The following HERC2 variants were observed in gnomAD, a reference collection of about 807,000 sequenced individuals.
HERC2 encodes the protein E3 ubiquitin-protein ligase HERC2.
Under a neutral mutation model 537.7 loss-of-function variants are expected in HERC2, and 102 were observed. The ratio of observed to expected loss-of-function variants is 0.19; its 90% CI spans 0.16 to 0.22. The LOEUF (loss-of-function observed/expected upper bound fraction) is 0.22. HERC2 is among the 10% of genes least tolerant of loss of function. The probability of loss-of-function intolerance (pLI) is 1.00; values close to 1 mark genes in which losing one functional copy is unlikely to be tolerated. For missense variants in HERC2, 4,236 were observed against 6,198.2 expected, an observed-to-expected ratio of 0.68 and a Z score of 10.63; for synonymous variants, 2,224 against 2,466.2, an observed-to-expected ratio of 0.90 and a Z score of 2.91.
chr15:28,237,220 G>A, intron 25 of HERC2, 107 bp from the exon 26 acceptor site: 1 of 948,096 alleles, frequency 1.1e-6, no homozygotes, highest in Admixed American at 1.8e-5. Flanking sequence ...TGAGCCCAGG[G>A]GTGCTCTGGG....
At position 28,143,895 on chromosome 15, in the gene HERC2, T is replaced by C. The variant is rs766460908; in HGVS notation, c.11396A>G (p.Asn3799Ser). The C allele has an allele frequency of 3.5e-5, 56 of 1,614,032 alleles. No individual in the cohort carries two copies. The highest frequency in any genetic ancestry group is 1.6e-4 in the Middle Eastern group (1 of 6,084). The change falls in exon 74 of 93, where the codon AAT becomes AGT. Residue 3799 changes from asparagine to serine, a missense_variant. By Grantham distance (46) the Asn-to-Ser change is conservative. Around this residue, in one of 27 missense-constraint regions of HERC2, gnomAD observed 109 missense variants for 133.5 expected, o/e 0.82. Transcript: ENST00000261609. ...TACCAAAGCTCTTGTTTCCCCATCA[T>C]TTTCTCCAAGCAGCCTATTTATGTT... ...SININRLLGE[N>S]DGETRALSFT...
chr15:28,289,416 T>C (rs577212913), intron 4 of HERC2, among the ~76,000 whole-genome samples: 29 of 151,952 alleles, frequency 1.9e-4, no homozygotes, highest in African/African-American at 5.8e-4. Flanking sequence ...CATTCTCAAA[T>C]ACATGAAGCA....
intron 35 of HERC2, among the ~76,000 whole-genome samples, chr15:28,223,611 A>C (rs1352005463): frequency 6.6e-6 from 1 of 152,198 alleles, no homozygotes; most frequent in Non-Finnish European, 1.5e-5. Context: ...CTCTGTAAAG[A>C]CTGAATGTAT....
chr15:28,112,221 C>T (rs1887721419), intron 92 of HERC2, among the ~76,000 whole-genome samples, 186 bp from the exon 93 acceptor site: 1 of 152,144 alleles, frequency 6.6e-6, no homozygotes, highest in South Asian at 2.1e-4. Flanking sequence ...GAGTAAGAAA[C>T]AGCACCTCAC....
intron 57 of HERC2, among the ~76,000 whole-genome samples, chr15:28,181,648 G>GTAATA (rs1895830080): frequency 6.6e-6 from 1 of 152,226 alleles, no homozygotes; most frequent in Non-Finnish European, 1.5e-5. Context: ...TGGCTCCTCA[G>GTAATA]CCAGGAGACA....
chr15:28,204,208 T>C (rs1450861817), intron 45 of HERC2, among the ~76,000 whole-genome samples: 14 of 152,046 alleles, frequency 9.2e-5, no homozygotes, highest in Admixed American at 8.5e-4. Context: ...AACCAATAAC[T>C]GACTATAATC....
intron 4 of HERC2, among the ~76,000 whole-genome samples, chr15:28,284,132 G>A (rs1465704831): frequency 6.6e-6 from 1 of 152,134 alleles, no homozygotes; most frequent in Non-Finnish European, 1.5e-5. Context: ...GCATCATGCT[G>A]GAGTGCCAAA....
At chr15:28,311,076 C>CAAAAA (rs71132854) in intron 2 of HERC2, among the ~76,000 whole-genome samples, 16 of 29,296 alleles carry the variant, frequency 5.5e-4, no homozygotes, top group African/African-American at 1.5e-3. Flanking sequence ...GACTGCATCT[C>CAAAAA]AAAAAAAAAA....
rs540701978 is a variant in HERC2 at position 28,254,583 on chromosome 15, T to G, written c.2872-65A>C. 400 of 1,162,202 alleles carry G rather than the reference T, an allele frequency of 3.4e-4. 2 individuals carry two copies. In the South Asian group the frequency reaches 5.8e-3, roughly 17 times the overall value. 72.0% of individuals were successfully genotyped at this position (1,162,202 alleles called of 1,614,324 possible). On this transcript the variant is annotated intron_variant, in intron 19 of 92. Coordinates refer to ENST00000261609, the MANE Select transcript of HERC2 (RefSeq NM_004667.6). ...TTACCAGGTGTGAAGACACACAGGC[T>G]GGCTGAGCCCTAACCCCAGTGCCAA...
intron 35 of HERC2, among the ~76,000 whole-genome samples, chr15:28,227,170 G>C (rs1901276933): frequency 6.6e-6 from 1 of 152,164 alleles, no homozygotes; most frequent in Non-Finnish European, 1.5e-5. Context: ...AGCTACTCGG[G>C]AGGCTGAGGC....
At position 28,245,916 on chromosome 15, in the gene HERC2, T is replaced by A; in HGVS notation, c.3542A>T (p.Asp1181Val). Residue 1181 changes from aspartate to valine, a missense_variant, in exon 23 of 93, where the codon GAT becomes GTT. This residue lies in a region of HERC2 where 754 missense variants were observed against 1,085.0 expected (regional missense o/e 0.69). Coordinates refer to ENST00000261609, the MANE Select transcript of HERC2 (RefSeq NM_004667.6). ...FNHLAPGKERDDHEELAWPGI... is the reference protein window; with the variant it reads ...FNHLAPGKERVDHEELAWPGI... The stretch of plus-strand genomic sequence containing the variant: ...AGGCCAGGCTAACTCTTCATGATCA[T>A]CCCGTTCCTTTCCTGGTGCCAGATG... 6.2e-7 allele frequency: 1 copy of A among 1,614,050 alleles called. No homozygotes were observed. The highest frequency in any genetic ancestry group is 1.1e-5 in the South Asian group (1 of 91,068).
intron 16 of HERC2, among the ~76,000 whole-genome samples, chr15:28,258,959 G>T (rs952175135): frequency 6.6e-6 from 1 of 152,292 alleles, no homozygotes; most frequent in Non-Finnish European, 1.5e-5. Context: ...AACTTGACAC[G>T]TAAAAATCAG....
At chr15:28,182,642 T>C in intron 56 of HERC2, 130 bp from the exon 57 acceptor site, 1 of 741,774 alleles carries the variant, frequency 1.3e-6, no homozygotes, top group Non-Finnish European at 2.1e-6. Context: ...CTTAAAATTT[T>C]GCTTTAATAG....
chr15:28,264,454 G>C (rs1315166173), intron 14 of HERC2, among the ~76,000 whole-genome samples: 1 of 152,144 alleles, frequency 6.6e-6, no homozygotes, highest in African/African-American at 2.4e-5. Context: ...AAATTATGCT[G>C]TTCACATAGC....
At position 28,191,172 on chromosome 15, in the gene HERC2, T is replaced by C. The variant is rs1896823444; in HGVS notation, c.8524A>G (p.Ser2842Gly). 1 of 1,613,850 alleles carries C rather than the reference T, an allele frequency of 6.2e-7. No homozygotes were observed. Among genetic ancestry groups the C allele is most frequent in the Non-Finnish European group, 8.5e-7 (1 of 1,179,756 alleles). ...RLKMIVDPADSSYMPSLVVVS... is the reference protein window; with the variant it reads ...RLKMIVDPADGSYMPSLVVVS... The stretch of plus-strand genomic sequence containing the variant: ...ACAACCAGGGACGGCATGTAGCTAC[T>C]GTCAGCAGGATCTACGATCATTTTT... The change falls in exon 54 of 93, where the codon AGT becomes GGT. Residue 2842 changes from serine to glycine, a missense_variant. Physicochemically the swap from Ser to Gly is moderately conservative, Grantham distance 56. Coordinates refer to ENST00000261609, the MANE Select transcript of HERC2 (RefSeq NM_004667.6).
At chr15:28,284,644 C>G (rs1401034724) in intron 4 of HERC2, among the ~76,000 whole-genome samples, 1 of 151,870 alleles carries the variant, frequency 6.6e-6, no homozygotes, top group Non-Finnish European at 1.5e-5. Context: ...CCAGGAAGGC[C>G]GGGCACAGTG....
At chr15:28,173,913 A>C (rs978586123) in intron 65 of HERC2, among the ~76,000 whole-genome samples, 3 of 152,044 alleles carry the variant, frequency 2.0e-5, no homozygotes, top group Admixed American at 6.5e-5. Flanking sequence ...TAAAAGCAAA[A>C]GGGAGGGGTA....
In HERC2 at chr15:28,268,732, A is replaced by G; in HGVS notation, c.1447-116T>C. On this transcript the variant is annotated intron_variant, in intron 11 of 92. Coordinates refer to ENST00000261609, the MANE Select transcript of HERC2 (RefSeq NM_004667.6). This position sits in a 1 kb window ranked among gnomAD's most constrained non-coding sequence, Gnocchi z 4.7. ...AGCCTGCTGTAACTCCAAGTGGGGC[A>G]TAAGTCTCTGGGAACTACGGGGCCG... 5 of 866,176 alleles carry G rather than the reference A, an allele frequency of 5.8e-6. No individual in the cohort carries two copies. In the Admixed American group the frequency reaches 7.1e-5, roughly 12 times the overall value. 53.7% of individuals were successfully genotyped at this position (866,176 alleles called of 1,614,324 possible).
rs564653026 is a variant in HERC2, at chr15:28,209,278, T to G, written c.7069+1724A>C. Among the ~76,000 whole-genome samples, 16 of 152,286 alleles carry G rather than the reference T, an allele frequency of 1.1e-4. No homozygotes were observed. In the South Asian group the frequency reaches 3.3e-3, roughly 32 times the overall value. ...ATCAAAAATATTCAGAATAAAACAA[T>G]TTTTTAAAATATAATTTTAAAAAGA... On this transcript the variant is annotated intron_variant, in intron 44 of 92. Transcript: ENST00000261609.
Sources: gnomAD v4.1 joint callset for allele counts (sites outside exome capture counted in the v4.1 genomes callset) on GRCh38, gnomAD v4.1.1 for gene constraint, gnomAD v4.1.1 regional missense constraint, Gnocchi (gnomAD v3.1) non-coding constraint, MANE v1.5 for transcripts, NCBI Gene and HGNC (gene_info 2026-07-23, HGNC 2026-07-21) for gene names.